Variants in KCNH5 observed in about 807,000 individuals in gnomAD.
KCNH5 encodes the protein voltage-gated delayed rectifier potassium channel KCNH5.
Under a neutral mutation model 96.1 loss-of-function variants are expected in KCNH5, and 46 were observed. The ratio of observed to expected loss-of-function variants is 0.48; its 90% CI spans 0.38 to 0.61. The LOEUF is 0.61. Ranked by LOEUF, KCNH5 falls within the 20% of genes least tolerant of loss-of-function variation. The pLI, the probability that KCNH5 is intolerant of heterozygous loss-of-function variation, is 0.00. For synonymous variants in KCNH5, 439 were observed against 449.8 expected, an observed-to-expected ratio of 0.98 and a Z score of 0.30; for missense variants, 907 against 1,225.8, an observed-to-expected ratio of 0.74 and a Z score of 3.88.
At chr14:62,733,431 A>C (rs1371262042) in intron 10 of KCNH5, among the ~76,000 whole-genome samples, 5 of 152,102 alleles carry the variant, frequency 3.3e-5, no homozygotes, top group Non-Finnish European at 2.9e-5. Context: ...CTCACTAGAC[A>C]CCTGTTCTGC....
At chr14:62,985,127 GT>G (rs1191825014) in intron 5 of KCNH5, among the ~76,000 whole-genome samples, 3 of 152,122 alleles carry the variant, frequency 2.0e-5, no homozygotes, top group African/African-American at 7.2e-5. Flanking sequence ...GCAAAAGAAA[GT>G]TGTATCTCAT....
At chr14:62,802,636 G>C in intron 8 of KCNH5, 55 bp from the exon 9 acceptor site, 1 of 1,578,788 alleles carries the variant, frequency 6.3e-7, no homozygotes, top group Non-Finnish European at 8.7e-7. Context: ...GGCCACTTCA[G>C]AAAAACAATC....
At chr14:62,969,619 A>G (rs1397630230) in intron 6 of KCNH5, among the ~76,000 whole-genome samples, 1 of 152,066 alleles carries the variant, frequency 6.6e-6, no homozygotes, top group Non-Finnish European at 1.5e-5. Flanking sequence ...GAGAGCATCA[A>G]GAAGAACAGT....
At chr14:62,742,178 C>T (rs1885284508) in intron 10 of KCNH5, among the ~76,000 whole-genome samples, 1 of 151,950 alleles carries the variant, frequency 6.6e-6, no homozygotes, top group African/African-American at 2.4e-5. Context: ...GAATAGAGTG[C>T]TCTATGCAGC....
intron 6 of KCNH5, among the ~76,000 whole-genome samples, chr14:62,969,273 G>A (rs1235486777): frequency 6.6e-6 from 1 of 152,050 alleles, no homozygotes; most frequent in Non-Finnish European, 1.5e-5. Context: ...AGTGCTTACA[G>A]GGAAATTTAC....
At chr14:62,756,615 G>C (rs1226631066) in intron 10 of KCNH5, among the ~76,000 whole-genome samples, 1 of 152,056 alleles carries the variant, frequency 6.6e-6, no homozygotes, top group Non-Finnish European at 1.5e-5. Context: ...GAAACCAATG[G>C]AACAGAATAG....
At chr14:62,818,818 A>C (rs535562794) in intron 8 of KCNH5, among the ~76,000 whole-genome samples, 1 of 152,320 alleles carries the variant, frequency 6.6e-6, no homozygotes, top group South Asian at 2.1e-4. Flanking sequence ...TTACAAATTA[A>C]ATGCTATACA....
intron 6 of KCNH5, among the ~76,000 whole-genome samples, chr14:62,952,492 A>C (rs1417879458): frequency 6.6e-6 from 1 of 152,204 alleles, no homozygotes; most frequent in Non-Finnish European, 1.5e-5. Flanking sequence ...CTTCTGCTCT[A>C]AAGAAACGCA....
At chr14:62,871,148 T>A (rs550158739) in intron 7 of KCNH5, among the ~76,000 whole-genome samples, 1 of 152,204 alleles carries the variant, frequency 6.6e-6, no homozygotes, top group Non-Finnish European at 1.5e-5. Context: ...TTGGGTATTA[T>A]TCAATATTGA....
intron 7 of KCNH5, among the ~76,000 whole-genome samples, chr14:62,932,369 A>T (rs1015973346): frequency 2.0e-5 from 3 of 152,036 alleles, no homozygotes; most frequent in Non-Finnish European, 4.4e-5. Context: ...TAACGTAGGC[A>T]AGCAGAAACA....
At chr14:62,813,480 T>C (rs1886912412) in intron 8 of KCNH5, among the ~76,000 whole-genome samples, 1 of 152,194 alleles carries the variant, frequency 6.6e-6, no homozygotes, top group African/African-American at 2.4e-5. Flanking sequence ...TGAGGTCTTT[T>C]ACTGCTCTAA....
In KCNH5 at chr14:62,705,922, T is replaced by C. The variant is rs931542931; in HGVS notation, c.*1586A>G. 6.6e-6 allele frequency: 1 copy of C among 152,080 alleles called. No individual in the cohort carries two copies. Among genetic ancestry groups the C allele is most frequent in the Non-Finnish European group, 1.5e-5 (1 of 67,946 alleles). The allele number at this position is 152,080 out of a possible 1,614,324, so 9.4% of individuals were successfully genotyped here. Reference sequence around the variant, plus strand: ...TAATATATAAATTACTCACACATTTTTTTCAACTTCATGCAAACACTAACT... The same window carrying C: ...TAATATATAAATTACTCACACATTTCTTTCAACTTCATGCAAACACTAACT... On this transcript the variant is annotated 3_prime_UTR_variant, in exon 11 of 11. Coordinates refer to ENST00000322893, the MANE Select transcript of KCNH5 (RefSeq NM_139318.5).
At chr14:62,727,876 C>T (rs773312885) in intron 10 of KCNH5, among the ~76,000 whole-genome samples, 1 of 150,202 alleles carries the variant, frequency 6.7e-6, no homozygotes, top group East Asian at 2.0e-4. Flanking sequence ...ACAGACTAAA[C>T]GCTCTTTAGC....
chr14:62,884,446 T>A (rs2140079385), intron 7 of KCNH5, among the ~76,000 whole-genome samples: 1 of 152,254 alleles, frequency 6.6e-6, no homozygotes, highest in African/African-American at 2.4e-5. Flanking sequence ...GGCAACACGG[T>A]GAAACGCTGT....
At chr14:62,726,581 C>T (rs1398737600) in intron 10 of KCNH5, among the ~76,000 whole-genome samples, 1 of 151,848 alleles carries the variant, frequency 6.6e-6, no homozygotes. Flanking sequence ...CAATGTATTA[C>T]CCCTACACAC....
chr14:62,712,478 TAA>T, intron 10 of KCNH5: 1 of 602,996 alleles, frequency 1.7e-6, no homozygotes, highest in Non-Finnish European at 3.0e-6. Flanking sequence ...AATTGAGGCA[TAA>T]AGAGTTTAAG....
chr14:62,788,041 G>T (rs1886355195), intron 9 of KCNH5, among the ~76,000 whole-genome samples: 1 of 152,164 alleles, frequency 6.6e-6, no homozygotes, highest in Non-Finnish European at 1.5e-5. Flanking sequence ...AAATATACTG[G>T]TAAGGCTATA....
chr14:62,971,364 T>A (rs1341122670), intron 6 of KCNH5, among the ~76,000 whole-genome samples: 1 of 152,114 alleles, frequency 6.6e-6, no homozygotes, highest in Non-Finnish European at 1.5e-5. Context: ...AAAGAAGAAC[T>A]AAATAAATGA....
At chr14:62,893,522 G>A (rs1270796342) in intron 7 of KCNH5, among the ~76,000 whole-genome samples, 14 of 152,136 alleles carry the variant, frequency 9.2e-5, no homozygotes, top group African/African-American at 2.2e-4. Context: ...TTGGGAGGCC[G>A]AAGTAGGTGG....
Sources: gnomAD v4.1 joint callset for allele counts (sites outside exome capture counted in the v4.1 genomes callset) on GRCh38, gnomAD v4.1.1 for gene constraint, MANE v1.5 for transcripts, NCBI Gene and HGNC (gene_info 2026-07-23, HGNC 2026-07-21) for gene names.